Variants in DNAH7 observed in about 807,000 individuals in gnomAD.
DNAH7 encodes the protein axonemal beta dynein heavy chain 7.
Under a neutral mutation model 444.6 loss-of-function variants are expected in DNAH7, and 397 were observed. That is an observed-to-expected ratio of 0.89 (90% CI 0.82 to 0.97). The LOEUF (loss-of-function observed/expected upper bound fraction) is 0.97. Ranked by LOEUF, DNAH7 falls within the 50% of genes least tolerant of loss-of-function variation. The pLI, the probability that DNAH7 is intolerant of heterozygous loss-of-function variation, is 0.00. For missense variants in DNAH7, 4,902 were observed against 4,800.8 expected (o/e 1.02, Z -0.62); for synonymous variants, 1,636 against 1,624.4 (o/e 1.01, Z -0.17).
At chr2:195,931,083 T>C (rs1417070797) in intron 21 of DNAH7, among the ~76,000 whole-genome samples, 2 of 152,134 alleles carry the variant, frequency 1.3e-5, no homozygotes, top group Admixed American at 6.5e-5. Context: ...TTGGGTACTA[T>C]GCTCAGTACC....
intron 63 of DNAH7, among the ~76,000 whole-genome samples, chr2:195,745,546 A>T (rs1328213707): frequency 6.6e-6 from 1 of 152,210 alleles, no homozygotes. Flanking sequence ...TCCAAGACAC[A>T]TAATTGTCAG....
At chr2:195,895,256 T>C (rs1291297799) in intron 29 of DNAH7, 32 bp from the exon 30 acceptor site, 2 of 1,377,454 alleles carry the variant, frequency 1.5e-6, no homozygotes, top group South Asian at 3.0e-5. Flanking sequence ...GATTTACATT[T>C]TATATATTTA....
chr2:196,030,202 G>A (rs1305316016), intron 5 of DNAH7, among the ~76,000 whole-genome samples: 1 of 152,192 alleles, frequency 6.6e-6, no homozygotes, highest in Non-Finnish European at 1.5e-5. Flanking sequence ...CATGATAGCA[G>A]AAAGACAGAG....
chr2:195,987,290 T>G, intron 13 of DNAH7, 97 bp from the exon 14 acceptor site: 1 of 869,434 alleles, frequency 1.2e-6, no homozygotes, highest in Non-Finnish European at 1.7e-6. Context: ...TTGTGTGTGA[T>G]GTAACAAGAT....
intron 19 of DNAH7, among the ~76,000 whole-genome samples, chr2:195,947,840 C>G (rs1329416595): frequency 2.0e-5 from 3 of 152,116 alleles, no homozygotes; most frequent in Non-Finnish European, 4.4e-5. Flanking sequence ...AATGGTATTT[C>G]TGGTCCTAGA....
intron 12 of DNAH7, among the ~76,000 whole-genome samples, chr2:195,989,519 T>C (rs1476754105): frequency 6.6e-6 from 1 of 152,334 alleles, no homozygotes. Flanking sequence ...AGGTTTTCCA[T>C]CAATAATAGG....
At chr2:196,019,474 T>C (rs1369927684) in intron 8 of DNAH7, among the ~76,000 whole-genome samples, 179 bp from the exon 9 acceptor site, 3 of 152,172 alleles carry the variant, frequency 2.0e-5, no homozygotes, top group Admixed American at 6.6e-5. Context: ...TGGTTTAGTA[T>C]AATTTCATTA....
At chr2:195,755,936 T>C (rs1292049158) in intron 62 of DNAH7, among the ~76,000 whole-genome samples, 197 bp downstream of exon 62, 1 of 152,246 alleles carries the variant, frequency 6.6e-6, no homozygotes, top group African/African-American at 2.4e-5. Context: ...CTAGATGTTT[T>C]CTGCCTTCAT....
rs141086645 is a variant in DNAH7, at chr2:195,830,357, T to C, written c.9100+3849A>G. Among the ~76,000 whole-genome samples, 405 of 152,330 alleles carry C rather than the reference T, an allele frequency of 2.7e-3. 2 individuals carry two copies. Among genetic ancestry groups the C allele is most frequent in the African/African-American group, 8.7e-3 (363 of 41,582 alleles). On this transcript the variant is annotated intron_variant, in intron 48 of 64. Coordinates refer to ENST00000312428, the MANE Select transcript of DNAH7 (RefSeq NM_018897.3). ...ATGAGAATTAAATGTTCTTTTCAAA[T>C]TTCTCTTGCATGTAGGACATTAAAT...
Position 195,777,908 on chromosome 2 carries a change from C to T in DNAH7, c.10956G>A (p.Arg3652=), listed in dbSNP as rs1373123788. 1 of 1,614,192 alleles carries T rather than the reference C, an allele frequency of 6.2e-7. No homozygotes were observed. Among genetic ancestry groups the T allele is most frequent in the East Asian group, 2.2e-5 (1 of 44,882 alleles). Residue 3652 remains arginine, a synonymous_variant, in exon 59 of 65, where the codon CGG becomes CGA. Coordinates refer to ENST00000312428, the MANE Select transcript of DNAH7 (RefSeq NM_018897.3). Reference sequence around the variant, plus strand: ...TGTTTAGAATGCTGCGCAGCGTGCGCCGGTCCCAGTCATCGGTCACTCTGC... The same window carrying T: ...TGTTTAGAATGCTGCGCAGCGTGCGTCGGTCCCAGTCATCGGTCACTCTGC... The part of the protein sequence containing the change: ...YGGRVTDDWD[R]RTLRSILNKF...
At chr2:195,890,331 C>T (rs530828845) in intron 31 of DNAH7, among the ~76,000 whole-genome samples, 1 of 152,256 alleles carries the variant, frequency 6.6e-6, no homozygotes, top group East Asian at 1.9e-4. Context: ...GAAACACTAC[C>T]GTGCAATGGC....
At chr2:195,776,989 T>C (rs1338939387) in intron 59 of DNAH7, among the ~76,000 whole-genome samples, 1 of 152,226 alleles carries the variant, frequency 6.6e-6, no homozygotes, top group Admixed American at 6.5e-5. Context: ...CCATGTTGAC[T>C]TGCTGTACCC....
At chr2:195,964,320 T>A (rs1342750780) in intron 17 of DNAH7, among the ~76,000 whole-genome samples, 3 of 152,160 alleles carry the variant, frequency 2.0e-5, no homozygotes, top group Non-Finnish European at 2.9e-5. Flanking sequence ...ATTTCTTTCA[T>A]CAATATTTTA....
chr2:195,972,119 T>C, intron 16 of DNAH7, 123 bp downstream of exon 16: 5 of 727,464 alleles, frequency 6.9e-6, no homozygotes, highest in East Asian at 5.4e-5. Context: ...AGTGAGATTA[T>C]AGCATTATAG....
At chr2:195,873,295 C>T (rs1170068274) in intron 39 of DNAH7, among the ~76,000 whole-genome samples, 1 of 152,154 alleles carries the variant, frequency 6.6e-6, no homozygotes, top group Non-Finnish European at 1.5e-5. Context: ...ACAGCATAAA[C>T]CTGGTACATC....
rs758443048 is a variant in DNAH7 at position 195,906,940 on chromosome 2, C to T, written c.4174G>A (p.Val1392Met). The T allele has an allele frequency of 1.2e-6, 2 of 1,613,340 alleles. No homozygotes were observed. The highest frequency in any genetic ancestry group is 1.7e-6 in the Non-Finnish European group (2 of 1,179,562). The change falls in exon 26 of 65, where the codon GTG becomes ATG. Residue 1392 changes from valine (V) to methionine (M), a missense_variant. Val to Met is a conservative substitution (Grantham distance 21). Transcript: ENST00000312428. ...FNRIDLEVLS[V>M]VAQQILTIQR... ...ATAGTAAGGATTTGTTGAGCAACCA[C>T]AGAGAGTACTTCCAAATCAATTCTG...
At chr2:195,774,007 G>T (rs1406918146) in intron 60 of DNAH7, among the ~76,000 whole-genome samples, 1 of 152,188 alleles carries the variant, frequency 6.6e-6, no homozygotes, top group African/African-American at 2.4e-5. Context: ...TAGAATCACT[G>T]AACTACTGCT....
intron 15 of DNAH7, among the ~76,000 whole-genome samples, chr2:195,978,133 T>G (rs1003050734): frequency 5.9e-5 from 9 of 152,086 alleles, no homozygotes; most frequent in African/African-American, 1.7e-4. Flanking sequence ...GTGTAAACTA[T>G]ATATATATGT....
At position 196,057,653 on chromosome 2, in the gene DNAH7, G is replaced by A. The variant is rs547382366; in HGVS notation, c.78+401C>T. Among the ~76,000 whole-genome samples the A allele has an allele frequency of 6.6e-4, 101 of 152,260 alleles. 2 individuals are homozygous for A. Among genetic ancestry groups the A allele is most frequent in the Non-Finnish European group, 1.2e-3 (82 of 68,002 alleles). On this transcript the variant is annotated intron_variant, in intron 2 of 64. Transcript: ENST00000312428. ...TTAGGAATCAACTCTGCATAAAGCA[G>A]TCCAAATTCCATTACACAGTTCATG...
Sources: allele counts gnomAD v4.1 joint callset (sites outside exome capture counted in the v4.1 genomes callset), GRCh38; gene constraint gnomAD v4.1.1; transcripts MANE v1.5; gene names NCBI Gene and HGNC (gene_info 2026-07-23, HGNC 2026-07-21).